Variants in SLC7A1 observed in about 807,000 individuals in gnomAD.
The protein encoded by SLC7A1 is solute carrier family 7 member 1.
SLC7A1 carries 10 observed loss-of-function variants against 53.9 expected under a neutral mutation model. The observed-to-expected ratio is 0.19, with a 90% confidence interval of 0.11 to 0.31. SLC7A1 has a LOEUF of 0.31. Ranked by LOEUF, SLC7A1 falls within the 10% of genes least tolerant of loss-of-function variation. The probability of loss-of-function intolerance (pLI) is 1.00; values close to 1 mark genes in which losing one functional copy is unlikely to be tolerated. For synonymous variants in SLC7A1, 342 were observed against 338.7 expected (o/e 1.01, Z -0.11); for missense variants, 525 against 827.2 (o/e 0.63, Z 4.48).
chr13:29,541,153 G>A (rs2139114621), intron 2 of SLC7A1, among the ~76,000 whole-genome samples: 1 of 152,292 alleles, frequency 6.6e-6, no homozygotes, highest in African/African-American at 2.4e-5. Context: ...CTCAAAGCAG[G>A]ATCCACTTCC....
intron 2 of SLC7A1, among the ~76,000 whole-genome samples, chr13:29,552,223 A>T (rs1350224441): frequency 4.3e-4 from 2 of 4,612 alleles, no homozygotes; most frequent in Non-Finnish European, 2.1e-3. Flanking sequence ...GAGGGTCATT[A>T]CACACACACA....
At chr13:29,523,211 A>G (rs748355422) in intron 7 of SLC7A1, 55 bp downstream of exon 7, 608 of 1,451,896 alleles carry the variant, frequency 4.2e-4, no homozygotes, top group Non-Finnish European at 5.3e-4. Flanking sequence ...GCTATAGCCT[A>G]ACCCCTGCTG....
rs919238452 is a variant in SLC7A1 at position 29,514,422 on chromosome 13, C to G, written c.*58G>C. On this transcript the variant is annotated 3_prime_UTR_variant, in exon 13 of 13. Coordinates refer to ENST00000380752, the MANE Select transcript of SLC7A1 (RefSeq NM_003045.5). ...CTGGTGGGGAGGGTGGGGTGCCTCCCGGTCCTCTGGGGGCGTCCCTCGGGG... is the reference window on the plus strand; with the variant it reads ...CTGGTGGGGAGGGTGGGGTGCCTCCGGGTCCTCTGGGGGCGTCCCTCGGGG... 1.1e-5 allele frequency: 14 copies of G among 1,328,962 alleles called. No homozygotes were observed. Among genetic ancestry groups the G allele is most frequent in the South Asian group, 1.2e-5 (1 of 84,080 alleles). 82.3% of individuals were successfully genotyped at this position (1,328,962 alleles called of 1,614,324 possible).
At chr13:29,587,272 A>T (rs541624979) in intron 1 of SLC7A1, among the ~76,000 whole-genome samples, 1 of 152,334 alleles carries the variant, frequency 6.6e-6, no homozygotes, top group South Asian at 2.1e-4. Flanking sequence ...GTTCTGGGCC[A>T]GGAAAGGGGA....
chr13:29,516,755 A>C (rs375765170), intron 11 of SLC7A1: 3 of 183,074 alleles, frequency 1.6e-5, no homozygotes, highest in African/African-American at 7.0e-5. Context: ...AAGTGGCTTC[A>C]TGAGCAGCAC....
At chr13:29,552,256 G>GAC (rs561264192) in intron 2 of SLC7A1, among the ~76,000 whole-genome samples, 8,341 of 122,466 alleles carry the variant, frequency 0.068, 282 homozygotes, top group Middle Eastern at 0.17. Flanking sequence ...CACACACACA[G>GAC]ACACACACAC....
At chr13:29,559,777 G>C (rs548522476) in intron 1 of SLC7A1, among the ~76,000 whole-genome samples, 1 of 150,946 alleles carries the variant, frequency 6.6e-6, no homozygotes, top group Non-Finnish European at 1.5e-5. Context: ...GTGCAGTGGC[G>C]CGATCTCGGC....
intron 8 of SLC7A1, among the ~76,000 whole-genome samples, chr13:29,521,046 T>C (rs1332804367): frequency 1.3e-5 from 2 of 152,226 alleles, no homozygotes; most frequent in African/African-American, 4.8e-5. Context: ...GTCTTTAATA[T>C]GATCAAATTC....
At chr13:29,557,612 G>C (rs1468866649) in intron 1 of SLC7A1, among the ~76,000 whole-genome samples, 1 of 149,874 alleles carries the variant, frequency 6.7e-6, no homozygotes, top group South Asian at 2.2e-4. Context: ...TACCATGAAC[G>C]AAGCCTGCAG....
chr13:29,535,760 G>C (rs1038012632), intron 3 of SLC7A1, 59 bp downstream of exon 3: 30 of 1,555,104 alleles, frequency 1.9e-5, no homozygotes, highest in Non-Finnish European at 2.2e-5. Flanking sequence ...CCACACTTTG[G>C]AGGTGGGAAC....
intron 1 of SLC7A1, among the ~76,000 whole-genome samples, chr13:29,592,765 G>A (rs976200431): frequency 1.3e-5 from 2 of 152,136 alleles, no homozygotes; most frequent in Non-Finnish European, 2.9e-5. Context: ...CTAAACCCTG[G>A]GGTGGATAGC....
chr13:29,591,137 C>T (rs1388158025), intron 1 of SLC7A1, among the ~76,000 whole-genome samples: 1 of 151,928 alleles, frequency 6.6e-6, no homozygotes, highest in African/African-American at 2.4e-5. Flanking sequence ...TTCTCCCACA[C>T]CTAAATCAAG....
intron 5 of SLC7A1, 62 bp downstream of exon 5, chr13:29,530,476 C>T: frequency 7.1e-7 from 1 of 1,413,428 alleles, no homozygotes; most frequent in Non-Finnish European, 1.0e-6. Context: ...CCAGTTATAT[C>T]CCCCATACAA....
intron 5 of SLC7A1, among the ~76,000 whole-genome samples, chr13:29,527,081 A>C (rs1868929522): frequency 6.6e-6 from 1 of 152,234 alleles, no homozygotes; most frequent in African/African-American, 2.4e-5. Flanking sequence ...TTAAAAAAAA[A>C]AAAAAAAAAT....
Position 29,545,047 on chromosome 13 carries a change from G to C in SLC7A1, c.-15+8714C>G, listed in dbSNP as rs528568125. 2.9e-3 allele frequency among the ~76,000 whole-genome samples: 434 copies of C among 152,174 alleles called. 1 individual carries two copies. Among genetic ancestry groups the C allele is most frequent in the Middle Eastern group, 0.01 (3 of 294 alleles). Reference sequence around the variant, plus strand: ...TAATCACCAATGACCTGAAATTCAGGAAGCTAATAGGGCACCCACTTTTGT... The same window carrying C: ...TAATCACCAATGACCTGAAATTCAGCAAGCTAATAGGGCACCCACTTTTGT... On this transcript the variant is annotated intron_variant, in intron 2 of 12. Coordinates refer to ENST00000380752, the MANE Select transcript of SLC7A1 (RefSeq NM_003045.5).
chr13:29,526,616 T>C (rs1356518055), intron 5 of SLC7A1, among the ~76,000 whole-genome samples: 3 of 151,834 alleles, frequency 2.0e-5, no homozygotes, highest in Non-Finnish European at 4.4e-5. Context: ...TCAGGGCAAG[T>C]GGAAAGTGCA....
intron 2 of SLC7A1, among the ~76,000 whole-genome samples, chr13:29,542,094 A>G (rs1593554901): frequency 6.6e-6 from 1 of 152,212 alleles, no homozygotes; most frequent in East Asian, 1.9e-4. Context: ...TGCATTGCAG[A>G]AGGCATGTTC....
chr13:29,574,754 CCT>C (rs1353795675), intron 1 of SLC7A1, among the ~76,000 whole-genome samples: 3 of 151,878 alleles, frequency 2.0e-5, no homozygotes, highest in Non-Finnish European at 4.4e-5. Context: ...ACGCCATTCC[CCT>C]GCCTCAGCCT....
At chr13:29,527,911 A>C (rs997100135) in intron 5 of SLC7A1, among the ~76,000 whole-genome samples, 6 of 152,382 alleles carry the variant, frequency 3.9e-5, no homozygotes, top group Non-Finnish European at 7.3e-5. Context: ...GAGCCTTAAG[A>C]ATCAGGACTG....
Sources: allele counts gnomAD v4.1 joint callset (sites outside exome capture counted in the v4.1 genomes callset), GRCh38; gene constraint gnomAD v4.1.1; transcripts MANE v1.5; gene names NCBI Gene and HGNC (gene_info 2026-07-23, HGNC 2026-07-21).